UACA: variants seen among roughly 807,000 people sequenced by gnomAD.
The protein encoded by UACA is uveal autoantigen with coiled-coil domains and ankyrin repeats, also known as nuclear membrane binding protein.
Under a neutral mutation model 160.5 loss-of-function variants are expected in UACA, and 112 were observed. That is an observed-to-expected ratio of 0.70 (90% CI 0.60 to 0.82). The LOEUF is 0.82. Among genes scored for constraint, UACA ranks in the 40% least tolerant of loss-of-function variants. The pLI is 0.00. For missense variants in UACA, 1,574 were observed against 1,614.6 expected, an observed-to-expected ratio of 0.97 and a Z score of 0.43; for synonymous variants, 557 against 568.4, an observed-to-expected ratio of 0.98 and a Z score of 0.29.
At chr15:70,741,344 T>G (rs918602023) in intron 1 of UACA, among the ~76,000 whole-genome samples, 1 of 152,212 alleles carries the variant, frequency 6.6e-6, no homozygotes, top group Admixed American at 6.5e-5. Context: ...ACAAGGCCTA[T>G]CTACATGTGC....
intron 1 of UACA, among the ~76,000 whole-genome samples, chr15:70,711,598 G>A (rs957249720): frequency 6.6e-6 from 1 of 152,010 alleles, no homozygotes; most frequent in Non-Finnish European, 1.5e-5. Context: ...ATGATCAGTT[G>A]ATAGTGCCAA....
intron 1 of UACA, among the ~76,000 whole-genome samples, chr15:70,718,947 T>C (rs16954726): frequency 0.2 from 30,169 of 151,866 alleles, 4,852 homozygotes; most frequent in African/African-American, 0.45. Context: ...AGCTGAACTT[T>C]AGTTGTCATT....
intron 1 of UACA, among the ~76,000 whole-genome samples, chr15:70,743,790 T>C (rs1899610143): frequency 6.6e-6 from 1 of 152,128 alleles, no homozygotes; most frequent in African/African-American, 2.4e-5. Context: ...TGGTGCCAAA[T>C]CGTAATGCCT....
In UACA at chr15:70,687,583, T is replaced by C. The variant is rs1378097878; in HGVS notation, c.559A>G (p.Ile187Val). 1 of 1,613,790 alleles carries C rather than the reference T, an allele frequency of 6.2e-7. No individual in the cohort carries two copies. The highest frequency in any genetic ancestry group is 8.5e-7 in the Non-Finnish European group (1 of 1,179,860). Residue 187 changes from isoleucine (I) to valine (V), a missense_variant, in exon 7 of 19, where the codon ATA (isoleucine) becomes GTA (valine). Physicochemically the swap from Ile to Val is conservative, Grantham distance 29. Coordinates refer to ENST00000322954, the MANE Select transcript of UACA (RefSeq NM_018003.4). ...GAATTAACATCCGCTCCTCTATCTA[T>C]CAGCAGTTGACATATTGTTGGCCTA... ...MSRPTICQLL[I>V]DRGADVNSRD...
At chr15:70,665,837 G>A (rs1376675501) in intron 16 of UACA, among the ~76,000 whole-genome samples, 1 of 152,138 alleles carries the variant, frequency 6.6e-6, no homozygotes, top group Non-Finnish European at 1.5e-5. Flanking sequence ...TTACTCCACT[G>A]TATCCCCAGC....
At chr15:70,769,416 A>T in the UACA span, among the ~76,000 whole-genome samples, 1 of 150,930 alleles carries the variant, frequency 6.6e-6, no homozygotes, top group East Asian at 1.9e-4. Flanking sequence ...ATGGTAGATG[A>T]TGAACAATGA....
chr15:70,699,755 A>G, intron 1 of UACA, 95 bp from the exon 2 acceptor site: 2 of 1,337,160 alleles, frequency 1.5e-6, no homozygotes, highest in Middle Eastern at 1.9e-4. Context: ...GCAGTACTGC[A>G]TAATACATCA....
intron 1 of UACA, among the ~76,000 whole-genome samples, chr15:70,704,736 A>C (rs539460654): frequency 3.9e-5 from 6 of 152,200 alleles, no homozygotes; most frequent in Non-Finnish European, 8.8e-5. Flanking sequence ...CACTGGCGAG[A>C]GTCACAGGTG....
intron 14 of UACA, 133 bp from the exon 15 acceptor site, chr15:70,671,224 T>C (rs150654110): frequency 0.011 from 5,711 of 531,686 alleles, 44 homozygotes; most frequent in Non-Finnish European, 0.012. Context: ...AGTATCCTCA[T>C]TCTAAAATAC....
rs150678830 is a variant in UACA, at chr15:70,690,454, C to T, written c.424G>A (p.Ala142Thr). 1.2e-5 allele frequency: 19 copies of T among 1,612,240 alleles called. No individual in the cohort carries two copies. The highest frequency in any genetic ancestry group is 2.2e-5 in the East Asian group (1 of 44,802). The change falls in exon 5 of 19, where the codon GCA becomes ACA. Residue 142 changes from alanine to threonine, a missense_variant and splice_region_variant. Coordinates refer to ENST00000322954, the MANE Select transcript of UACA (RefSeq NM_018003.4). The stretch of plus-strand genomic sequence containing the variant: ...GTATCCAAGGGAAACCACTGCTCAC[C>T]GGCATCGTGAAGTGCAGTTCTTCCC... ...LQGRTALHDAAMADCPSSIQL... is the reference protein window; with the variant it reads ...LQGRTALHDATMADCPSSIQL...
chr15:70,707,517 TA>T (rs1221606681), intron 1 of UACA, among the ~76,000 whole-genome samples: 2 of 152,118 alleles, frequency 1.3e-5, no homozygotes, highest in Non-Finnish European at 2.9e-5. Flanking sequence ...TTGCAAATCA[TA>T]TATCTAATAA....
At chr15:70,664,014 T>G (rs1896816801) in intron 17 of UACA, among the ~76,000 whole-genome samples, 1 of 152,156 alleles carries the variant, frequency 6.6e-6, no homozygotes, top group African/African-American at 2.4e-5. Context: ...GAACTTAAAG[T>G]ATAATAAAAA....
At chr15:70,665,258 T>C (rs1896863373) in intron 16 of UACA, among the ~76,000 whole-genome samples, 2 of 152,200 alleles carry the variant, frequency 1.3e-5, no homozygotes, top group South Asian at 4.1e-4. Context: ...AGTTGTATTA[T>C]TTAAGACCAC....
At chr15:70,745,446 G>A (rs77650041) in intron 1 of UACA, among the ~76,000 whole-genome samples, 517 of 128,924 alleles carry the variant, frequency 4.0e-3, no homozygotes, top group African/African-American at 6.5e-3. Flanking sequence ...AAAAGAAAAA[G>A]AAAAAAAAAA....
chr15:70,666,922 A>G lies in UACA; in HGVS notation c.3762T>C (p.Tyr1254=), dbSNP rs373804994. The part of the protein sequence containing the change: ...NEKLANLNRK[Y]EEVCEEVLHA... ...GCAAAACTTCCTCACATACTTCCTC[A>G]TACTTTCTATTCAGATTGGCCAATT... Residue 1254 remains tyrosine (Y), a synonymous_variant, in exon 16 of 19, where the codon TAT becomes TAC. Transcript: ENST00000322954. 9.9e-6 allele frequency: 16 copies of G among 1,613,020 alleles called. No homozygotes were observed. In the African/African-American group the frequency reaches 2.1e-4, roughly 22 times the overall value.
chr15:70,679,110 A>G (rs917310888), intron 10 of UACA, among the ~76,000 whole-genome samples: 1 of 152,170 alleles, frequency 6.6e-6, no homozygotes, highest in African/African-American at 2.4e-5. Context: ...TTCTTAAAGA[A>G]GAGATTAGGC....
chr15:70,669,879 C>T (rs546591920), intron 15 of UACA, among the ~76,000 whole-genome samples: 2 of 152,236 alleles, frequency 1.3e-5, no homozygotes, highest in East Asian at 1.9e-4. Context: ...ACCATCATAT[C>T]CTTGAATAAA....
chr15:70,700,902 G>T (rs1327046630), intron 1 of UACA, among the ~76,000 whole-genome samples: 1 of 151,846 alleles, frequency 6.6e-6, no homozygotes, highest in East Asian at 1.9e-4. Context: ...GAAAAAAACT[G>T]AATCACCTGT....
At chr15:70,724,819 A>AT (rs1424756612) in intron 1 of UACA, among the ~76,000 whole-genome samples, 1 of 151,984 alleles carries the variant, frequency 6.6e-6, no homozygotes, top group African/African-American at 2.4e-5. Context: ...AAAAAAAAAG[A>AT]TATCTAGAAA....
Sources: allele counts gnomAD v4.1 joint callset (sites outside exome capture counted in the v4.1 genomes callset), GRCh38; gene constraint gnomAD v4.1.1; transcripts MANE v1.5; gene names NCBI Gene and HGNC (gene_info 2026-07-23, HGNC 2026-07-21).